FAM13B: variants seen among roughly 807,000 people sequenced by gnomAD.
FAM13B encodes protein FAM13B.
FAM13B carries 60 observed loss-of-function variants against 117.3 expected under a neutral mutation model. The ratio of observed to expected loss-of-function variants is 0.51; its 90% CI spans 0.42 to 0.63. The LOEUF is 0.63. Ranked by LOEUF, FAM13B falls within the 30% of genes least tolerant of loss-of-function variation. The pLI is 0.00. For synonymous variants in FAM13B, 332 were observed against 356.1 expected (o/e 0.93, Z 0.76); for missense variants, 972 against 1,091.9 (o/e 0.89, Z 1.55).
intron 5 of FAM13B, among the ~76,000 whole-genome samples, chr5:138,011,545 G>A (rs1375121628): frequency 1.3e-5 from 2 of 151,744 alleles, no homozygotes; most frequent in Non-Finnish European, 2.9e-5. Context: ...TCAGCCTCCC[G>A]AGCAGCTGGG....
chr5:137,987,702 G>T, intron 8 of FAM13B, 86 bp from the exon 9 acceptor site: 3 of 1,281,408 alleles, frequency 2.3e-6, no homozygotes, highest in Admixed American at 2.5e-5. Flanking sequence ...CCTATGACCA[G>T]TAAAACTATT....
chr5:137,940,679 A>G (rs1292032813), intron 23 of FAM13B, among the ~76,000 whole-genome samples: 1 of 152,190 alleles, frequency 6.6e-6, no homozygotes, highest in African/African-American at 2.4e-5. Context: ...TGGAGGCTAC[A>G]CTGAGTCATT....
rs549930871 is a variant in FAM13B, at chr5:138,010,224, AC to A, written c.690+783del. 1.2e-3 allele frequency among the ~76,000 whole-genome samples: 186 copies of A among 152,136 alleles called. 3 individuals carry two copies. Among genetic ancestry groups the A allele is most frequent in the Middle Eastern group, 0.01 (3 of 294 alleles). On this transcript the variant is annotated intron_variant, in intron 6 of 23. Coordinates refer to ENST00000689681, the MANE Select transcript of FAM13B (RefSeq NM_001385994.1). ...TCAAACCCCTGACCTCAGCTGATCC[AC>A]CCACCTCAGCCTCCCACAGTGCTGG... is the stretch of plus-strand genomic sequence containing the variant.
At chr5:137,982,994 A>T (rs191461923) in intron 10 of FAM13B, among the ~76,000 whole-genome samples, 19 of 152,080 alleles carry the variant, frequency 1.2e-4, no homozygotes, top group Non-Finnish European at 2.4e-4. Context: ...GACTCGAGAT[A>T]CAAATTTGGG....
Position 137,949,138 on chromosome 5 carries a change from A to G in FAM13B, c.1977T>C (p.Arg659=), listed in dbSNP as rs761980435. 3.7e-6 allele frequency: 6 copies of G among 1,614,152 alleles called. No homozygotes were observed. The highest frequency in any genetic ancestry group is 3.3e-5 in the Admixed American group (2 of 60,020). The change falls in exon 18 of 24, where the codon CGT becomes CGC. Residue 659 remains arginine, a synonymous_variant. Transcript: ENST00000689681. The part of the protein sequence containing the change: ...NSDGEFVPQT[R]PRSNTLPKSF... ...TTTTTGGAAGTGTGTTACTACGTGG[A>G]CGTGTCTGAGGTACAAATTCTCCAT...
chr5:138,021,200 A>G lies in FAM13B; in HGVS notation c.-202-3T>C. The stretch of plus-strand genomic sequence containing the variant: ...CGATCAGTACTTCAGCAGTTAATCT[A>G]CAAGACAAAAACAATTATTTCAATT... On this transcript the variant is annotated splice_polypyrimidine_tract_variant and splice_region_variant and intron_variant, in intron 1 of 23. Coordinates refer to ENST00000689681, the MANE Select transcript of FAM13B (RefSeq NM_001385994.1). 8.1e-7 allele frequency: 1 copy of G among 1,231,524 alleles called. No homozygotes were observed. The highest frequency in any genetic ancestry group is 1.0e-6 in the Non-Finnish European group (1 of 987,796). The allele number at this position is 1,231,524 out of a possible 1,614,324, so 76.3% of individuals were successfully genotyped here.
Position 137,959,869 on chromosome 5 carries a change from G to C in FAM13B, c.1294-106C>G, listed in dbSNP as rs955152353. Reference sequence around the variant, plus strand: ...AGTGTAGTCTTCATTAGTTTACTGTGCCTATACAGCCAACTGTCCCACTCC... The same window carrying C: ...AGTGTAGTCTTCATTAGTTTACTGTCCCTATACAGCCAACTGTCCCACTCC... On this transcript the variant is annotated intron_variant, in intron 12 of 23. Coordinates refer to ENST00000689681, the MANE Select transcript of FAM13B (RefSeq NM_001385994.1). 5.9e-5 allele frequency: 63 copies of C among 1,064,106 alleles called. 1 individual carries two copies. In the African/African-American group the frequency reaches 8.0e-4, roughly 13 times the overall value. 65.9% of individuals were successfully genotyped at this position (1,064,106 alleles called of 1,614,324 possible). A position where few individuals can be genotyped will look rare whatever the true frequency, so the allele number is the denominator to read the frequency against.
chr5:137,977,190 G>A (rs1442160789), intron 10 of FAM13B, among the ~76,000 whole-genome samples: 2 of 152,076 alleles, frequency 1.3e-5, no homozygotes, highest in African/African-American at 2.4e-5. Context: ...TTATTAGGAC[G>A]AGGAAATTCC....
chr5:137,966,494 G>T (rs867138924), intron 10 of FAM13B, among the ~76,000 whole-genome samples: 2,602 of 108,552 alleles, frequency 0.024, 26 homozygotes, highest in Admixed American at 0.036. Flanking sequence ...TATATAGAGA[G>T]AGAGAGAGAG....
intron 4 of FAM13B, among the ~76,000 whole-genome samples, chr5:138,017,935 A>G (rs1193965499): frequency 6.6e-6 from 1 of 152,184 alleles, no homozygotes; most frequent in Non-Finnish European, 1.5e-5. Context: ...AATAGTGGTA[A>G]TATCACCACT....
intron 12 of FAM13B, 137 bp downstream of exon 12, chr5:137,960,029 G>T: frequency 1.5e-6 from 1 of 687,450 alleles, no homozygotes; most frequent in Non-Finnish European, 2.5e-6. Flanking sequence ...AAATTAAGTT[G>T]CTGTTTAACT....
At chr5:137,944,969 G>C (rs530621158) in intron 20 of FAM13B, among the ~76,000 whole-genome samples, 15 of 150,098 alleles carry the variant, frequency 1.0e-4, no homozygotes, top group Non-Finnish European at 1.8e-4. Context: ...GGGAGGGAGG[G>C]GGGCAAGGAA....
upstream of FAM13B, among the ~76,000 whole-genome samples, chr5:138,037,958 A>G (rs1791314299): frequency 6.6e-6 from 1 of 152,344 alleles, no homozygotes; most frequent in African/African-American, 2.4e-5. Context: ...TAGATTCCCC[A>G]TTAGTCAAAT....
At chr5:137,989,971 A>C (rs1439110314) in intron 7 of FAM13B, among the ~76,000 whole-genome samples, 1 of 152,236 alleles carries the variant, frequency 6.6e-6, no homozygotes, top group African/African-American at 2.4e-5. Flanking sequence ...CTGTGAGCTA[A>C]AAGTTAAATA....
rs565271271 is a variant in FAM13B, at chr5:137,982,308, T to G, written c.1179+2949A>C. The stretch of plus-strand genomic sequence containing the variant: ...TGGCTCAGGCCTATAATCCCAGCAC[T>G]TTGGGAGGCCACGGCAGGCAGATCA... On this transcript the variant is annotated intron_variant, in intron 10 of 23. Coordinates refer to ENST00000689681, the MANE Select transcript of FAM13B (RefSeq NM_001385994.1). Among the ~76,000 whole-genome samples, 12 of 152,290 alleles carry G rather than the reference T, an allele frequency of 7.9e-5. No individual in the cohort carries two copies. In the South Asian group the frequency reaches 2.5e-3, roughly 32 times the overall value.
chr5:137,993,196 G>T (rs1021809461), intron 7 of FAM13B, among the ~76,000 whole-genome samples: 1 of 152,208 alleles, frequency 6.6e-6, no homozygotes, highest in African/African-American at 2.4e-5. Flanking sequence ...AGTAGGGAGG[G>T]AGGGGATGAG....
intron 6 of FAM13B, among the ~76,000 whole-genome samples, chr5:138,007,883 G>A (rs1179257656): frequency 6.6e-6 from 1 of 152,180 alleles, no homozygotes; most frequent in African/African-American, 2.4e-5. Context: ...ACTATCTATA[G>A]AATTGCTTAA....
At chr5:137,980,429 T>A (rs1775367858) in intron 10 of FAM13B, among the ~76,000 whole-genome samples, 1 of 143,310 alleles carries the variant, frequency 7.0e-6, no homozygotes, top group African/African-American at 2.6e-5. Context: ...AAGTAATTGA[T>A]ACACTAATTT....
chr5:137,954,110 A>C, intron 15 of FAM13B, 56 bp downstream of exon 15: 1 of 1,265,864 alleles, frequency 7.9e-7, no homozygotes, highest in Non-Finnish European at 1.1e-6. Flanking sequence ...AAATCTCTCA[A>C]AAGACTTGGG....
Sources: gnomAD v4.1 joint callset for allele counts (sites outside exome capture counted in the v4.1 genomes callset) on GRCh38, gnomAD v4.1.1 for gene constraint, MANE v1.5 for transcripts, NCBI Gene and HGNC (gene_info 2026-07-23, HGNC 2026-07-21) for gene names.